SPAG17: variants seen among roughly 807,000 people sequenced by gnomAD.
SPAG17 encodes the protein sperm-associated antigen 17.
A neutral mutation model predicts 273.6 loss-of-function variants in SPAG17; 169 were observed. That is an observed-to-expected ratio of 0.62 (90% CI 0.55 to 0.70). The LOEUF (loss-of-function observed/expected upper bound fraction) is 0.70. Among genes scored for constraint, SPAG17 ranks in the 30% least tolerant of loss-of-function variants. The pLI is 0.00. For synonymous variants in SPAG17, 825 were observed against 873.2 expected (o/e 0.94, Z 0.97); for missense variants, 2,557 against 2,627.8 (o/e 0.97, Z 0.59).
chr1:118,033,562 A>G (rs780002358), intron 24 of SPAG17, among the ~76,000 whole-genome samples: 7 of 152,096 alleles, frequency 4.6e-5, no homozygotes, highest in Admixed American at 1.3e-4. Context: ...CAATACCACC[A>G]CTTCAGTGTA....
At chr1:117,990,775 G>A (rs1656984580) in intron 38 of SPAG17, 86 bp downstream of exon 38, 2 of 843,050 alleles carry the variant, frequency 2.4e-6, no homozygotes, top group Non-Finnish European at 3.8e-6. Flanking sequence ...CTTGTTATCA[G>A]ATAAGAGAAT....
chr1:117,955,544 A>G (rs1652073135), intron 48 of SPAG17, among the ~76,000 whole-genome samples: 1 of 152,154 alleles, frequency 6.6e-6, no homozygotes, highest in Admixed American at 6.5e-5. Context: ...AGTTCCTTCT[A>G]AAGTATGAAG....
intron 19 of SPAG17, among the ~76,000 whole-genome samples, 167 bp from the exon 20 acceptor site, chr1:118,054,260 C>T (rs958814123): frequency 2.0e-5 from 3 of 152,048 alleles, no homozygotes; most frequent in African/African-American, 4.8e-5. Context: ...TGAAATGGGA[C>T]TGAGCCACAT....
At chr1:117,994,945 CA>C (rs1462988269) in intron 34 of SPAG17, among the ~76,000 whole-genome samples, 10 of 152,094 alleles carry the variant, frequency 6.6e-5, no homozygotes, top group African/African-American at 2.4e-4. Flanking sequence ...CCCTTGCAGT[CA>C]GGGTGACTGA....
intron 1 of SPAG17, among the ~76,000 whole-genome samples, chr1:118,167,261 A>C (rs1032192921): frequency 1.3e-5 from 2 of 152,160 alleles, no homozygotes; most frequent in African/African-American, 4.8e-5. Context: ...TAGAATTTGA[A>C]CTTAATTTCC....
intron 32 of SPAG17, among the ~76,000 whole-genome samples, chr1:117,998,231 A>G (rs1484338370): frequency 6.6e-6 from 1 of 152,152 alleles, no homozygotes; most frequent in Non-Finnish European, 1.5e-5. Context: ...CAATTGTTGT[A>G]TATGGTGTAA....
intron 10 of SPAG17, 171 bp from the exon 11 acceptor site, chr1:118,087,179 A>T: frequency 3.7e-6 from 2 of 545,734 alleles, no homozygotes; most frequent in Non-Finnish European, 5.9e-6. Context: ...AAGTAAAAGG[A>T]AAAGTGTTCG....
chr1:117,971,812 C>CA (rs750691363), intron 45 of SPAG17, 51 bp downstream of exon 45: 4 of 1,504,562 alleles, frequency 2.7e-6, no homozygotes, highest in East Asian at 2.3e-5. Flanking sequence ...AAAGACAAGT[C>CA]ACAGGGTAGG....
intron 3 of SPAG17, among the ~76,000 whole-genome samples, chr1:118,139,166 A>G (rs1470795915): frequency 6.6e-6 from 1 of 152,230 alleles, no homozygotes; most frequent in Admixed American, 6.5e-5. Flanking sequence ...GTGGATAGAC[A>G]TTTCTCAAAA....
intron 4 of SPAG17, among the ~76,000 whole-genome samples, chr1:118,108,094 T>A (rs576937810): frequency 6.6e-6 from 1 of 152,272 alleles, no homozygotes; most frequent in African/African-American, 2.4e-5. Flanking sequence ...ACATGTTCTT[T>A]ACCCTACCCA....
intron 4 of SPAG17, among the ~76,000 whole-genome samples, chr1:118,104,944 A>G (rs1656297226): frequency 6.6e-6 from 1 of 152,168 alleles, no homozygotes; most frequent in Admixed American, 6.6e-5. Context: ...AAGAGATGTT[A>G]TGCTTGCAGG....
At chr1:118,042,418 T>C (rs372868433) in intron 20 of SPAG17, among the ~76,000 whole-genome samples, 1 of 152,140 alleles carries the variant, frequency 6.6e-6, no homozygotes, top group East Asian at 1.9e-4. Flanking sequence ...GATAGTTTAT[T>C]AGCAGTGTGG....
chr1:118,086,611 A>C, intron 12 of SPAG17, 60 bp downstream of exon 12: 1 of 1,407,920 alleles, frequency 7.1e-7, no homozygotes, highest in Non-Finnish European at 1.0e-6. Context: ...CTTTCAACTG[A>C]ATAGTTATAA....
intron 3 of SPAG17, among the ~76,000 whole-genome samples, chr1:118,136,332 T>A (rs1658352440): frequency 6.6e-6 from 1 of 152,182 alleles, no homozygotes; most frequent in South Asian, 2.1e-4. Flanking sequence ...GTGACTTGCA[T>A]CATTACTCTT....
chr1:118,165,862 C>T (rs2102382002), intron 1 of SPAG17, among the ~76,000 whole-genome samples: 1 of 152,112 alleles, frequency 6.6e-6, no homozygotes, highest in East Asian at 1.9e-4. Context: ...CCAGGATGGT[C>T]TCAATCTCCT....
intron 10 of SPAG17, among the ~76,000 whole-genome samples, chr1:118,088,250 G>C (rs369683182): frequency 4.3e-4 from 65 of 152,102 alleles, no homozygotes; most frequent in African/African-American, 1.5e-3. Flanking sequence ...TTAAGCCTTC[G>C]TTCATTCAAC....
intron 1 of SPAG17, among the ~76,000 whole-genome samples, chr1:118,179,099 AT>A (rs1383063677): frequency 2.0e-5 from 3 of 152,080 alleles, no homozygotes; most frequent in Non-Finnish European, 2.9e-5. Context: ...TAGAAAAAAA[AT>A]CCTAAAATTT....
intron 3 of SPAG17, among the ~76,000 whole-genome samples, chr1:118,138,144 G>C (rs1229347100): frequency 1.3e-5 from 2 of 152,178 alleles, no homozygotes; most frequent in Non-Finnish European, 2.9e-5. Flanking sequence ...GTCAGCCACA[G>C]AGCTCAATGA....
chr1:118,149,626 A>G (rs963161788), intron 3 of SPAG17, among the ~76,000 whole-genome samples: 1 of 152,228 alleles, frequency 6.6e-6, no homozygotes. Flanking sequence ...AGCACTGTCT[A>G]TTGTGAATAA....
Sources: allele counts gnomAD v4.1 joint callset (sites outside exome capture counted in the v4.1 genomes callset), GRCh38; gene constraint gnomAD v4.1.1; transcripts MANE v1.5; gene names NCBI Gene and HGNC (gene_info 2026-07-23, HGNC 2026-07-21).